EVL: variants seen among roughly 807,000 people sequenced by gnomAD.
EVL encodes Enah/Vasp-like.
A neutral mutation model predicts 59.6 loss-of-function variants in EVL; 21 were observed. That is an observed-to-expected ratio of 0.35 (90% confidence interval 0.25 to 0.51). EVL has a LOEUF of 0.51. Among genes scored for constraint, EVL ranks in the 20% least tolerant of loss-of-function variants. The pLI, the probability that EVL is intolerant of heterozygous loss-of-function variation, is 0.97. For synonymous variants in EVL, 198 were observed against 203.5 expected (o/e 0.97, Z 0.23); for missense variants, 462 against 546.6 (o/e 0.85, Z 1.54).
intron 3 of EVL, among the ~76,000 whole-genome samples, chr14:100,100,234 C>A (rs966868273): frequency 6.6e-6 from 1 of 151,784 alleles, no homozygotes; most frequent in African/African-American, 2.4e-5. Flanking sequence ...CTTGTTGAGG[C>A]GGGGGCGGGA....
At position 100,099,325 on chromosome 14, in the gene EVL, A is replaced by G. The variant is rs535638792; in HGVS notation, c.358+1667A>G. On this transcript the variant is annotated intron_variant, in intron 3 of 13. Coordinates refer to ENST00000392920, the MANE Select transcript of EVL (RefSeq NM_016337.3). ...GAGGTAGAAGAATCACTTGAGTCCA[A>G]GAGTTCGAGTCCAGCCTGGACAACA... Among the ~76,000 whole-genome samples, 28 of 152,300 alleles carry G rather than the reference A, an allele frequency of 1.8e-4. No individual in the cohort carries two copies. In the South Asian group the frequency reaches 5.6e-3, roughly 30 times the overall value.
chr14:100,020,375 T>C (rs1566971008), intron 1 of EVL, among the ~76,000 whole-genome samples: 1 of 152,118 alleles, frequency 6.6e-6, no homozygotes, highest in Non-Finnish European at 1.5e-5. Flanking sequence ...AAGGAGTTTC[T>C]AAGAAATGAA....
intron 9 of EVL, among the ~76,000 whole-genome samples, chr14:100,136,632 C>T (rs1290248320): frequency 3.3e-5 from 5 of 152,152 alleles, no homozygotes; most frequent in Non-Finnish European, 5.9e-5. Context: ...GCAGAGGAGG[C>T]TCTTGCCAGC....
At chr14:100,061,268 C>T (rs1346857664), upstream of EVL, among the ~76,000 whole-genome samples, 8 of 151,386 alleles carry the variant, frequency 5.3e-5, no homozygotes, top group Non-Finnish European at 1.5e-5. Flanking sequence ...TACAAAAATA[C>T]ACCAGACATG....
chr14:100,097,962 C>T (rs936744070), intron 3 of EVL, among the ~76,000 whole-genome samples: 15 of 152,116 alleles, frequency 9.9e-5, no homozygotes, highest in African/African-American at 2.4e-5. Context: ...CCAGAGCAAA[C>T]ATTTGAGAGA....
chr14:100,141,272 C>T, intron 12 of EVL, 26 bp downstream of exon 12: 2 of 1,612,288 alleles, frequency 1.2e-6, no homozygotes, highest in Non-Finnish European at 1.7e-6. Context: ...GCCCTTCCCT[C>T]AAGAGGCTGA....
intron 4 of EVL, 98 bp downstream of exon 4, chr14:100,123,700 C>A: frequency 7.9e-7 from 1 of 1,260,192 alleles, no homozygotes. Context: ...GCAGCCAAGG[C>A]CAGGACTCCT....
chr14:100,027,453 A>G (rs1034271718), intron 1 of EVL, among the ~76,000 whole-genome samples: 1 of 151,766 alleles, frequency 6.6e-6, no homozygotes, highest in Non-Finnish European at 1.5e-5. Flanking sequence ...CTCTATCTCC[A>G]TGACTTCAAT....
intron 4 of EVL, among the ~76,000 whole-genome samples, chr14:100,126,111 G>C (rs183649136): frequency 1.1e-3 from 166 of 152,304 alleles, no homozygotes; most frequent in African/African-American, 3.9e-3. Flanking sequence ...TCCTCACTCA[G>C]CTTGCCTTTA....
chr14:100,069,038 A>G (rs1288549595), intron 1 of EVL, among the ~76,000 whole-genome samples: 1 of 152,196 alleles, frequency 6.6e-6, no homozygotes, highest in African/African-American at 2.4e-5. Context: ...GTTCTACTGT[A>G]TACTGTCTTT....
At chr14:100,132,430 A>T (rs1659122800) in intron 7 of EVL, among the ~76,000 whole-genome samples, 1 of 152,010 alleles carries the variant, frequency 6.6e-6, no homozygotes, top group African/African-American at 2.4e-5. Context: ...CACGCCTCAG[A>T]TGCTACAGCT....
Position 99,972,278 on chromosome 14 carries a change from C to T in EVL, c.5+221C>T, listed in dbSNP as rs1203035594. Among the ~76,000 whole-genome samples the T allele has an allele frequency of 6.6e-6, 1 of 151,612 alleles. No homozygotes were observed. The highest frequency in any genetic ancestry group is 1.5e-5 in the Non-Finnish European group (1 of 67,870). On this transcript the variant is annotated intron_variant, in intron 1 of 13. Coordinates refer to the EVL transcript ENST00000402714. This position sits in a 1 kb window ranked among gnomAD's most constrained non-coding sequence, Gnocchi z 4.4. ...TGGAGAGCCGGGAGGGTCTGCAGGG[C>T]TTGTGGGGGGCAGTGTTCTGCAAGG...
chr14:100,126,234 A>G (rs964867309), intron 4 of EVL, among the ~76,000 whole-genome samples: 3 of 152,218 alleles, frequency 2.0e-5, no homozygotes, highest in South Asian at 2.1e-4. Context: ...AGGCGGGCCT[A>G]TGACCGCTCA....
At chr14:100,039,752 T>C (rs1179922590) in intron 1 of EVL, among the ~76,000 whole-genome samples, 3 of 152,176 alleles carry the variant, frequency 2.0e-5, no homozygotes, top group Non-Finnish European at 4.4e-5. Flanking sequence ...CTCTCTGGCT[T>C]GTGTGTCTGG....
At chr14:100,047,536 C>T (rs1186678062) in intron 1 of EVL, among the ~76,000 whole-genome samples, 1 of 152,166 alleles carries the variant, frequency 6.6e-6, no homozygotes, top group Non-Finnish European at 1.5e-5. Context: ...CTGCTTTCCT[C>T]AGCCAGTTGT....
intron 1 of EVL, among the ~76,000 whole-genome samples, chr14:100,040,982 C>T (rs2061459166): frequency 1.3e-5 from 2 of 152,130 alleles, no homozygotes; most frequent in Non-Finnish European, 2.9e-5. Flanking sequence ...TGCTAATCTG[C>T]CATGTTGAAT....
chr14:99,973,531 C>A (rs573235206), intron 1 of EVL, among the ~76,000 whole-genome samples: 1 of 152,148 alleles, frequency 6.6e-6, no homozygotes, highest in African/African-American at 2.4e-5. Context: ...GGTGCGATCT[C>A]GGCTCACTGC....
intron 11 of EVL, chr14:100,138,817 A>T (rs1221800308): frequency 6.6e-6 from 1 of 152,468 alleles, no homozygotes; most frequent in Admixed American, 6.5e-5. Context: ...CTCTGTCGGG[A>T]GCTGGCATTT....
chr14:99,976,510 T>G (rs1161870480), intron 1 of EVL, among the ~76,000 whole-genome samples: 1 of 152,196 alleles, frequency 6.6e-6, no homozygotes, highest in Non-Finnish European at 1.5e-5. Context: ...TTGATTTTCA[T>G]TCATATTGTC....
Sources: allele counts gnomAD v4.1 joint callset (sites outside exome capture counted in the v4.1 genomes callset), GRCh38; gene constraint gnomAD v4.1.1; non-coding constraint Gnocchi (gnomAD v3.1); transcripts MANE v1.5; gene names NCBI Gene and HGNC (gene_info 2026-07-23, HGNC 2026-07-21).